CPA6: variants seen among roughly 807,000 people sequenced by gnomAD.
CPA6 encodes carboxypeptidase A6.
In CPA6, 58 loss-of-function variants were observed where a neutral mutation model predicts 63.3. The ratio of observed to expected loss-of-function variants is 0.92; its 90% CI spans 0.74 to 1.14. The LOEUF is 1.14. Ranked by LOEUF, CPA6 falls within the 50% of genes most tolerant of loss-of-function variation. The pLI is 0.00. For missense variants in CPA6, 565 were observed against 526.6 expected, an observed-to-expected ratio of 1.07 and a Z score of -0.71; for synonymous variants, 185 against 179.0, an observed-to-expected ratio of 1.03 and a Z score of -0.27.
At chr8:67,589,633 T>G (rs1306180605) in intron 2 of CPA6, among the ~76,000 whole-genome samples, 1 of 152,148 alleles carries the variant, frequency 6.6e-6, no homozygotes, top group Non-Finnish European at 1.5e-5. Flanking sequence ...TGATAAAGAA[T>G]TGTCAAGTTT....
intron 2 of CPA6, among the ~76,000 whole-genome samples, chr8:67,586,564 G>A (rs139486213): frequency 1.1e-4 from 17 of 152,140 alleles, no homozygotes; most frequent in Non-Finnish European, 2.2e-4. Flanking sequence ...GATTACCTCA[G>A]CGGGTAATGA....
intron 2 of CPA6, among the ~76,000 whole-genome samples, chr8:67,607,515 C>T (rs1814697841): frequency 6.6e-6 from 1 of 151,808 alleles, no homozygotes; most frequent in African/African-American, 2.4e-5. Flanking sequence ...TTTTCCTGTC[C>T]TTTCAGACCC....
intron 1 of CPA6, among the ~76,000 whole-genome samples, chr8:67,724,781 T>C (rs1007401336): frequency 6.6e-6 from 1 of 152,214 alleles, no homozygotes; most frequent in African/African-American, 2.4e-5. Flanking sequence ...CCTTACTTCC[T>C]TTCCCAAGCT....
At chr8:67,567,969 A>G (rs1050881318) in intron 2 of CPA6, among the ~76,000 whole-genome samples, 6 of 152,004 alleles carry the variant, frequency 3.9e-5, no homozygotes, top group Non-Finnish European at 8.8e-5. Flanking sequence ...CACAGAGATC[A>G]GCACACAGAT....
At chr8:67,681,460 C>T (rs914792284) in intron 1 of CPA6, among the ~76,000 whole-genome samples, 3 of 151,890 alleles carry the variant, frequency 2.0e-5, no homozygotes, top group Admixed American at 6.6e-5. Flanking sequence ...CCACTCGCCT[C>T]GGCCTCCCAA....
chr8:67,583,697 G>C (rs1813838277), intron 2 of CPA6, among the ~76,000 whole-genome samples: 1 of 152,134 alleles, frequency 6.6e-6, no homozygotes. Flanking sequence ...CTGGTGATGA[G>C]GAATCCGGCG....
At chr8:67,484,009 AT>A in intron 7 of CPA6, 151 bp from the exon 8 acceptor site, 2 of 661,750 alleles carry the variant, frequency 3.0e-6, no homozygotes, top group Non-Finnish European at 5.2e-6. Context: ...AGAGCACTGG[AT>A]TAGTAGTGGA....
chr8:67,435,963 T>G (rs1810142453), intron 8 of CPA6, among the ~76,000 whole-genome samples: 2 of 151,320 alleles, frequency 1.3e-5, no homozygotes, highest in South Asian at 4.2e-4. Context: ...TTCCTCCTTC[T>G]CTGGCACAAG....
chr8:67,706,018 A>G (rs193014879), intron 1 of CPA6, among the ~76,000 whole-genome samples: 2 of 152,358 alleles, frequency 1.3e-5, no homozygotes, highest in East Asian at 3.9e-4. Flanking sequence ...TTTTTGTCCT[A>G]AAGTAAAATA....
At chr8:67,475,814 TTTCCTTTCTTTTCTTTC>T (rs1563967526) in intron 8 of CPA6, among the ~76,000 whole-genome samples, 37 of 59,900 alleles carry the variant, frequency 6.2e-4, no homozygotes, top group Admixed American at 2.6e-3. Flanking sequence ...TCTTTCTTTC[TTTCCTTTCTTTTCTTTC>T]TTTCTTTCTT....
intron 6 of CPA6, among the ~76,000 whole-genome samples, chr8:67,506,315 T>TC (rs1459157907): frequency 2.6e-4 from 39 of 152,192 alleles, no homozygotes; most frequent in African/African-American, 8.7e-4. Flanking sequence ...TCTTCTGGTA[T>TC]CTAAATTACA....
At position 67,589,144 on chromosome 8, in the gene CPA6, C is replaced by T. The variant is rs557883624; in HGVS notation, c.192+35032G>A. Among the ~76,000 whole-genome samples the T allele has an allele frequency of 7.3e-4, 111 of 151,734 alleles. 1 individual carries two copies. The highest frequency in any genetic ancestry group is 5.0e-3 in the South Asian group (24 of 4,796). On this transcript the variant is annotated intron_variant, in intron 2 of 10. Coordinates refer to ENST00000297770, the MANE Select transcript of CPA6 (RefSeq NM_020361.5). The stretch of plus-strand genomic sequence containing the variant: ...AAAAAAAAAGATTGATGTTGAGATG[C>T]CATAATTATTGAGACTTGGAAAGAA...
At chr8:67,577,431 A>G (rs1211872095) in intron 2 of CPA6, among the ~76,000 whole-genome samples, 1 of 152,176 alleles carries the variant, frequency 6.6e-6, no homozygotes, top group East Asian at 1.9e-4. Context: ...CTGGGCTTGA[A>G]AAGCTTGCCT....
chr8:67,641,892 A>G (rs1563373667), intron 1 of CPA6, among the ~76,000 whole-genome samples: 3 of 152,340 alleles, frequency 2.0e-5, no homozygotes, highest in South Asian at 4.1e-4. Context: ...TAAAATTTAC[A>G]TCATTTGAAT....
chr8:67,652,313 G>C (rs7846481), intron 1 of CPA6, among the ~76,000 whole-genome samples: 8 of 151,902 alleles, frequency 5.3e-5, no homozygotes, highest in African/African-American at 1.7e-4. Context: ...CTGAGGAATC[G>C]CCACACTGAC....
At chr8:67,669,788 C>A (rs1816303611) in intron 1 of CPA6, among the ~76,000 whole-genome samples, 1 of 138,310 alleles carries the variant, frequency 7.2e-6, no homozygotes, top group African/African-American at 3.3e-5. Context: ...GAAAAATTAT[C>A]TAAAGACAAA....
At chr8:67,452,909 G>A (rs1810586127) in intron 8 of CPA6, among the ~76,000 whole-genome samples, 1 of 152,204 alleles carries the variant, frequency 6.6e-6, no homozygotes, top group Non-Finnish European at 1.5e-5. Flanking sequence ...CTAAGCCAAT[G>A]TGGCTGGAGC....
At position 67,520,793 on chromosome 8, in the gene CPA6, C is replaced by T. The variant is rs778668703; in HGVS notation, c.193-2746G>A. Among the ~76,000 whole-genome samples, 66 of 152,150 alleles carry T rather than the reference C, an allele frequency of 4.3e-4. 1 individual carries two copies. The highest frequency in any genetic ancestry group is 5.1e-4 in the Non-Finnish European group (35 of 68,014). On this transcript the variant is annotated intron_variant, in intron 2 of 10. Coordinates refer to ENST00000297770, the MANE Select transcript of CPA6 (RefSeq NM_020361.5). The stretch of plus-strand genomic sequence containing the variant: ...ACAAGACATGCTTAACAGCAGTGTC[C>T]GTAATTTACTGACCCAGTTCATGTC...
chr8:67,624,692 G>A (rs1447839355), intron 1 of CPA6, among the ~76,000 whole-genome samples: 1 of 152,114 alleles, frequency 6.6e-6, no homozygotes, highest in Non-Finnish European at 1.5e-5. Flanking sequence ...GAAAGCTTCT[G>A]GTTTGAATTC....
Sources: gnomAD v4.1 joint callset for allele counts (sites outside exome capture counted in the v4.1 genomes callset) on GRCh38, gnomAD v4.1.1 for gene constraint, MANE v1.5 for transcripts, NCBI Gene and HGNC (gene_info 2026-07-23, HGNC 2026-07-21) for gene names.